Variants in PRORP observed in about 807,000 individuals in gnomAD.
PRORP encodes mitochondrial ribonuclease P catalytic subunit.
Under a neutral mutation model 59.4 loss-of-function variants are expected in PRORP, and 51 were observed. The ratio of observed to expected loss-of-function variants is 0.86; its 90% CI spans 0.69 to 1.08. PRORP has a LOEUF of 1.08. Ranked by LOEUF, PRORP falls within the 50% of genes least tolerant of loss-of-function variation. The pLI is 0.00. For missense variants in PRORP, 646 were observed against 690.3 expected, an observed-to-expected ratio of 0.94 and a Z score of 0.72; for synonymous variants, 231 against 245.6, an observed-to-expected ratio of 0.94 and a Z score of 0.55.
chr14:35,273,679 T>A lies in PRORP; in HGVS notation c.*113T>A. 1 of 912,992 alleles carries A rather than the reference T, an allele frequency of 1.1e-6. No individual in the cohort carries two copies. The highest frequency in any genetic ancestry group is 1.6e-6 in the Non-Finnish European group (1 of 635,090). The allele number at this position is 912,992 out of a possible 1,614,324, so 56.6% of individuals were successfully genotyped here. On this transcript the variant is annotated 3_prime_UTR_variant, in exon 8 of 8. Transcript: ENST00000534898. ...GCCTCTGTCCTGAAGATAAAAGGAT[T>A]CTATTAACAGCATTGACATTGATTT... is the stretch of plus-strand genomic sequence containing the variant.
intron 5 of PRORP, among the ~76,000 whole-genome samples, chr14:35,201,310 G>A (rs2049142043): frequency 6.6e-6 from 1 of 152,150 alleles, no homozygotes; most frequent in South Asian, 2.1e-4. Flanking sequence ...ACTATGTGCA[G>A]CCCTCAGTTA....
chr14:35,172,442 TTCCTTCC>T (rs2048335928), intron 4 of PRORP, among the ~76,000 whole-genome samples: 1 of 124,376 alleles, frequency 8.0e-6, no homozygotes, highest in African/African-American at 3.0e-5. Context: ...CCTTCCTTCC[TTCCTTCC>T]TTCCTTCTTT....
At chr14:35,151,376 G>A (rs187384650) in intron 4 of PRORP, among the ~76,000 whole-genome samples, 129 of 152,124 alleles carry the variant, frequency 8.5e-4, no homozygotes, top group Admixed American at 3.2e-3. Flanking sequence ...AACTACCAGT[G>A]TGAAAGAGCA....
At chr14:35,224,584 T>A (rs17103111) in intron 5 of PRORP, among the ~76,000 whole-genome samples, 2 of 152,166 alleles carry the variant, frequency 1.3e-5, no homozygotes, top group African/African-American at 4.8e-5. Context: ...CCTTAAACAC[T>A]AATTATGCAG....
chr14:35,231,142 C>T (rs907252351), intron 5 of PRORP, among the ~76,000 whole-genome samples: 1 of 152,062 alleles, frequency 6.6e-6, no homozygotes, highest in African/African-American at 2.4e-5. Flanking sequence ...GAATTTATTA[C>T]CCATACAAAA....
chr14:35,135,858 T>C (rs1443102448), intron 4 of PRORP, among the ~76,000 whole-genome samples: 1 of 150,602 alleles, frequency 6.6e-6, no homozygotes, highest in Non-Finnish European at 1.5e-5. Flanking sequence ...CTAAGGAGGC[T>C]GAGGCAGAAG....
upstream of PRORP, chr14:35,122,300 C>G (rs1197417630): frequency 3.3e-6 from 1 of 299,632 alleles, no homozygotes; most frequent in Non-Finnish European, 6.5e-6. Flanking sequence ...CCACGTGACC[C>G]AGGAGTTCAT....
At chr14:35,138,803 T>C (rs1339801259) in intron 4 of PRORP, among the ~76,000 whole-genome samples, 5 of 144,404 alleles carry the variant, frequency 3.5e-5, no homozygotes, top group African/African-American at 9.8e-5. Context: ...ATTGATTTTT[T>C]TTTTTTAGAC....
intron 4 of PRORP, among the ~76,000 whole-genome samples, chr14:35,134,554 C>T (rs2047327180): frequency 6.6e-6 from 1 of 152,188 alleles, no homozygotes; most frequent in Non-Finnish European, 1.5e-5. Flanking sequence ...GAGTTCCCTT[C>T]TGGCTCAGAG....
chr14:35,197,295 A>G (rs1232757497), intron 5 of PRORP, among the ~76,000 whole-genome samples: 1 of 152,182 alleles, frequency 6.6e-6, no homozygotes, highest in African/African-American at 2.4e-5. Context: ...TGTGGTAGGA[A>G]GAGGCCACTT....
chr14:35,216,823 T>G (rs2049609733), intron 5 of PRORP, among the ~76,000 whole-genome samples: 1 of 152,202 alleles, frequency 6.6e-6, no homozygotes, highest in East Asian at 1.9e-4. Flanking sequence ...TTAACTGTCT[T>G]TTTTATTATA....
At chr14:35,222,570 T>A (rs1285203373) in intron 5 of PRORP, 4 of 152,186 alleles carry the variant, frequency 2.6e-5, no homozygotes, top group Admixed American at 2.0e-4. Context: ...AGTTTTAAGG[T>A]CCACACAGAT....
At chr14:35,248,127 T>C (rs2138575309) in intron 5 of PRORP, among the ~76,000 whole-genome samples, 1 of 152,312 alleles carries the variant, frequency 6.6e-6, no homozygotes, top group South Asian at 2.1e-4. Context: ...GAAATCTCCC[T>C]AAAATACCAA....
At chr14:35,130,508 G>T (rs1015360779) in intron 4 of PRORP, among the ~76,000 whole-genome samples, 6 of 150,070 alleles carry the variant, frequency 4.0e-5, no homozygotes, top group Non-Finnish European at 8.9e-5. Flanking sequence ...TTGAGATGGA[G>T]TCTCACTCTG....
intron 4 of PRORP, among the ~76,000 whole-genome samples, chr14:35,170,378 C>A (rs183969245): frequency 1.3e-4 from 20 of 151,906 alleles, no homozygotes; most frequent in African/African-American, 4.8e-4. Flanking sequence ...TTTATCTATA[C>A]CTTTTTGCTT....
chr14:35,170,661 T>C (rs1337695327), intron 4 of PRORP, among the ~76,000 whole-genome samples: 2 of 152,214 alleles, frequency 1.3e-5, no homozygotes, highest in Non-Finnish European at 2.9e-5. Context: ...AATTTTTGCT[T>C]TAAGTAGTCA....
At chr14:35,166,411 A>C (rs1042818104) in intron 4 of PRORP, among the ~76,000 whole-genome samples, 7 of 149,014 alleles carry the variant, frequency 4.7e-5, no homozygotes, top group African/African-American at 1.7e-4. Flanking sequence ...GGTCTTCTAA[A>C]TTGTATTTGA....
At chr14:35,131,007 G>A (rs2047225594) in intron 4 of PRORP, among the ~76,000 whole-genome samples, 2 of 151,118 alleles carry the variant, frequency 1.3e-5, no homozygotes, top group South Asian at 2.1e-4. Context: ...GCAATGGCGC[G>A]ATCTCAGCTT....
intron 5 of PRORP, among the ~76,000 whole-genome samples, chr14:35,196,951 C>T (rs556888128): frequency 2.6e-5 from 4 of 152,232 alleles, no homozygotes; most frequent in South Asian, 2.1e-4. Flanking sequence ...TGGAGCCAGG[C>T]AAAATTTCTA....
Sources: allele counts gnomAD v4.1 joint callset (sites outside exome capture counted in the v4.1 genomes callset), GRCh38; gene constraint gnomAD v4.1.1; transcripts MANE v1.5; gene names NCBI Gene and HGNC (gene_info 2026-07-23, HGNC 2026-07-21).